NASP: variants seen among roughly 807,000 people sequenced by gnomAD.
NASP encodes nuclear autoantigenic sperm protein, also known as NASP histone chaperone.
A neutral mutation model predicts 89.5 loss-of-function variants in NASP; 24 were observed. The ratio of observed to expected loss-of-function variants is 0.27; its 90% CI spans 0.19 to 0.38. NASP has a LOEUF of 0.38. NASP is among the 10% of genes least tolerant of loss of function. The probability of loss-of-function intolerance (pLI) is 1.00; values close to 1 mark genes in which losing one functional copy is unlikely to be tolerated. For synonymous variants in NASP, 306 were observed against 324.7 expected (o/e 0.94, Z 0.62); for missense variants, 848 against 921.4 (o/e 0.92, Z 1.03).
chr1:45,585,546 C>G (rs1003297573), intron 1 of NASP, among the ~76,000 whole-genome samples: 1 of 152,056 alleles, frequency 6.6e-6, no homozygotes, highest in Non-Finnish European at 1.5e-5. Flanking sequence ...CCCATTGATT[C>G]GATATAAGCA....
In NASP at chr1:45,607,625, T is replaced by A; in HGVS notation, c.714T>A (p.Asp238Glu). ...GGAAGCCAGAACAGGAAGTACCAGA[T>A]GCTGAGGAAGAAAAATCAGTTTCTG... ...TSGKPEQEVPDAEEEKSVSGT... is the reference protein window; with the variant it reads ...TSGKPEQEVPEAEEEKSVSGT... The change falls in exon 6 of 15, where the codon GAT (aspartate) becomes GAA (glutamate). Residue 238 changes from aspartate to glutamate, a missense_variant. By Grantham distance (45) the Asp-to-Glu change is conservative. This residue lies in a region of NASP where 464 missense variants were observed against 469.4 expected (regional missense o/e 0.99). Coordinates refer to ENST00000350030, the MANE Select transcript of NASP (RefSeq NM_002482.4). The A allele has an allele frequency of 6.2e-7, 1 of 1,614,038 alleles. No individual in the cohort carries two copies. Among genetic ancestry groups the A allele is most frequent in the Non-Finnish European group, 8.5e-7 (1 of 1,180,008 alleles).
rs77730012 is a variant in NASP at position 45,602,947 on chromosome 1, T to A, written c.218+582T>A. 5.6e-4 allele frequency among the ~76,000 whole-genome samples: 85 copies of A among 152,326 alleles called. No homozygotes were observed. In the East Asian group the frequency reaches 0.013, roughly 23 times the overall value. ...AGCCCCAGCCTGACTTTCCGAGTTT[T>A]AACACTAGAAGTTCTGTGTCTGTGG... On this transcript the variant is annotated intron_variant, in intron 3 of 14. Transcript: ENST00000350030.
chr1:45,617,156 C>G (rs1644121025), intron 13 of NASP: 4 of 335,362 alleles, frequency 1.2e-5, no homozygotes, highest in African/African-American at 2.2e-5. Flanking sequence ...GAACTCTGAA[C>G]TCCTGTTCTG....
chr1:45,596,362 C>T (rs747636700), intron 2 of NASP, among the ~76,000 whole-genome samples: 2 of 152,158 alleles, frequency 1.3e-5, no homozygotes, highest in Non-Finnish European at 2.9e-5. Context: ...GTAAACAACT[C>T]CCTCTTTCTG....
chr1:45,607,006 G>C (rs1163763592), intron 5 of NASP, among the ~76,000 whole-genome samples: 2 of 152,180 alleles, frequency 1.3e-5, no homozygotes, highest in East Asian at 3.9e-4. Flanking sequence ...TTTCTAAGCT[G>C]AATTTGGCTG....
rs559053372 is a variant in NASP, at chr1:45,592,337, A to G, written c.107+1067A>G. On this transcript the variant is annotated intron_variant, in intron 2 of 14. Coordinates refer to ENST00000350030, the MANE Select transcript of NASP (RefSeq NM_002482.4). ...GCTTTGTTGGCCAGGGTGGTCTCCA[A>G]CCTGGGCTCAAGCAATCCCCCTGCC... Among the ~76,000 whole-genome samples the G allele has an allele frequency of 1.3e-3, 204 of 152,108 alleles. 1 individual carries two copies. The highest frequency in any genetic ancestry group is 4.8e-3 in the African/African-American group (198 of 41,532).
At chr1:45,586,298 T>TGTGTGTGTGTGGG (rs1644547868) in intron 1 of NASP, among the ~76,000 whole-genome samples, 2 of 96,674 alleles carry the variant, frequency 2.1e-5, no homozygotes, top group South Asian at 6.4e-4. Flanking sequence ...TGTGTGTGTG[T>TGTGTGTGTGTGGG]GTGTGTGTGT....
At chr1:45,603,124 C>T (rs1004954797) in intron 3 of NASP, among the ~76,000 whole-genome samples, 3 of 152,152 alleles carry the variant, frequency 2.0e-5, no homozygotes, top group African/African-American at 7.2e-5. Flanking sequence ...CCATATAGAC[C>T]TATATCCTGG....
chr1:45,589,226 C>T (rs542313226), intron 1 of NASP, among the ~76,000 whole-genome samples: 1 of 152,290 alleles, frequency 6.6e-6, no homozygotes, highest in South Asian at 2.1e-4. Context: ...CTCCTGGGCT[C>T]AAGCAATCTT....
chr1:45,612,815 C>G (rs1644038690), intron 6 of NASP: 1 of 171,854 alleles, frequency 5.8e-6, no homozygotes, highest in African/African-American at 2.4e-5. Flanking sequence ...GAAACACTGA[C>G]TGAGGTCTCC....
chr1:45,592,291 T>C (rs118098770), intron 2 of NASP, among the ~76,000 whole-genome samples: 1 of 151,856 alleles, frequency 6.6e-6, no homozygotes, highest in African/African-American at 2.4e-5. Context: ...ACCCGAATTA[T>C]ATTTTTCGAA....
intron 5 of NASP, 92 bp downstream of exon 5, chr1:45,606,683 GTC>G: frequency 1.2e-6 from 1 of 846,342 alleles, no homozygotes. Context: ...GTCCTGGATG[GTC>G]TCTCCTAAGA....
At chr1:45,588,821 G>A (rs1357485772) in intron 1 of NASP, 4 of 260,932 alleles carry the variant, frequency 1.5e-5, no homozygotes, top group Admixed American at 1.0e-4. Flanking sequence ...AGAAGCTGAC[G>A]CAGGAGAATG....
rs1644062494 is a variant in NASP at position 45,614,099 on chromosome 1, C to G, written c.1510C>G (p.Leu504Val). Residue 504 changes from leucine (L) to valine (V), a missense_variant, in exon 8 of 15, where the codon CTT becomes GTT. Leu to Val is a conservative substitution (Grantham distance 32). Coordinates refer to ENST00000350030, the MANE Select transcript of NASP (RefSeq NM_002482.4). ...PNDSVLENKS[L>V]QENEEEEIGN... ...TTATTATTTGGTTATACTTTAGTCT[C>G]TTCAAGAAAATGAGGAGGAGGAGAT... 6.3e-7 allele frequency: 1 copy of G among 1,591,724 alleles called. No homozygotes were observed. The highest frequency in any genetic ancestry group is 8.6e-7 in the Non-Finnish European group (1 of 1,159,722).
intron 2 of NASP, among the ~76,000 whole-genome samples, chr1:45,596,287 A>C (rs1643692601): frequency 6.6e-6 from 1 of 152,208 alleles, no homozygotes; most frequent in African/African-American, 2.4e-5. Flanking sequence ...GTAAGTCAGT[A>C]GTGTTAAGTA....
intron 1 of NASP, among the ~76,000 whole-genome samples, 165 bp downstream of exon 1, chr1:45,584,370 C>T (rs1644495913): frequency 6.6e-6 from 1 of 152,200 alleles, no homozygotes; most frequent in African/African-American, 2.4e-5. Context: ...CCTTCTTTTG[C>T]TGAGAGCCTC....
At chr1:45,600,485 T>C in intron 2 of NASP, 1 of 1,132,700 alleles carries the variant, frequency 8.8e-7, no homozygotes. Context: ...TTGTATAGTT[T>C]CTTTGATTCA....
At chr1:45,603,605 ATTTTT>A (rs10646791) in intron 3 of NASP, among the ~76,000 whole-genome samples, 1 of 119,052 alleles carries the variant, frequency 8.4e-6, no homozygotes, top group Non-Finnish European at 1.6e-5. Flanking sequence ...GTATTTAGAG[ATTTTT>A]TTTTTTTTTT....
chr1:45,600,609 G>T (rs1183185772), intron 2 of NASP, among the ~76,000 whole-genome samples: 11 of 152,074 alleles, frequency 7.2e-5, no homozygotes, highest in Non-Finnish European at 1.2e-4. Context: ...ATCCATTTGG[G>T]TTTCCAGTTT....
Sources: allele counts gnomAD v4.1 joint callset (sites outside exome capture counted in the v4.1 genomes callset), GRCh38; gene constraint gnomAD v4.1.1; regional missense constraint gnomAD v4.1.1; transcripts MANE v1.5; gene names NCBI Gene and HGNC (gene_info 2026-07-23, HGNC 2026-07-21).